CFAP70: variants seen among roughly 807,000 people sequenced by gnomAD.
CFAP70 encodes the protein cilia and flagella associated protein 70.
A neutral mutation model predicts 137.6 loss-of-function variants in CFAP70; 81 were observed. The observed-to-expected ratio is 0.59, with a 90% CI of 0.49 to 0.71. CFAP70 has a LOEUF of 0.71. Among genes scored for constraint, CFAP70 ranks in the 30% least tolerant of loss-of-function variants. The probability of loss-of-function intolerance (pLI) is 0.00; values close to 1 mark genes in which losing one functional copy is unlikely to be tolerated. For missense variants in CFAP70, 976 were observed against 1,226.7 expected (o/e 0.80, Z 3.05); for synonymous variants, 382 against 423.6 (o/e 0.90, Z 1.20).
chr10:73,322,346 AT>A (rs2132205176), intron 9 of CFAP70, among the ~76,000 whole-genome samples: 1 of 152,150 alleles, frequency 6.6e-6, no homozygotes, highest in South Asian at 2.1e-4. Flanking sequence ...TAGATAAATT[AT>A]TTTCCCAGAA....
At chr10:73,292,091 G>A (rs772997387) in intron 16 of CFAP70, 77 bp from the exon 18 acceptor site, 29 of 1,513,710 alleles carry the variant, frequency 1.9e-5, no homozygotes, top group Non-Finnish European at 2.5e-5. Context: ...GGTAAACACT[G>A]TAAATACTGT....
chr10:73,342,043 C>G (rs1589560731), intron 5 of CFAP70, among the ~76,000 whole-genome samples: 3 of 152,194 alleles, frequency 2.0e-5, no homozygotes, highest in African/African-American at 7.2e-5. Context: ...TAAAAATTAT[C>G]CTTTAGAAAA....
intron 9 of CFAP70, among the ~76,000 whole-genome samples, chr10:73,320,996 C>G (rs1403667045): frequency 1.3e-5 from 2 of 152,184 alleles, no homozygotes; most frequent in Admixed American, 6.5e-5. Flanking sequence ...ATCATTTTTA[C>G]TTACTATGAT....
At chr10:73,358,416 G>A (rs1057190875) in intron 1 of CFAP70, among the ~76,000 whole-genome samples, 2 of 152,252 alleles carry the variant, frequency 1.3e-5, no homozygotes, top group African/African-American at 2.4e-5. Flanking sequence ...AGACGAAGGA[G>A]GCGATGTGAC....
At position 73,310,399 on chromosome 10, in the gene CFAP70, C is replaced by T. The variant is rs958738865; in HGVS notation, c.1165-150G>A. ...TGATCTCAACTGTTAAAATACTTTT[C>T]ACATAGAAAAATAACTGGAAAGAAA... On this transcript the variant is annotated intron_variant, in intron 11 of 26. Coordinates refer to ENST00000310715, the Ensembl canonical transcript of CFAP70. 3.2e-5 allele frequency: 14 copies of T among 443,608 alleles called. No homozygotes were observed. In the South Asian group the frequency reaches 5.4e-4, roughly 17 times the overall value. 27.5% of individuals were successfully genotyped at this position (443,608 alleles called of 1,614,324 possible).
chr10:73,356,162 T>G (rs559019189), intron 1 of CFAP70, among the ~76,000 whole-genome samples: 1 of 151,716 alleles, frequency 6.6e-6, no homozygotes, highest in East Asian at 1.9e-4. Flanking sequence ...GATAATAAAT[T>G]GGATATTTGT....
intron 12 of CFAP70, among the ~76,000 whole-genome samples, chr10:73,305,187 T>C (rs1439567341): frequency 6.6e-6 from 1 of 152,216 alleles, no homozygotes; most frequent in East Asian, 1.9e-4. Flanking sequence ...TCATCTCTGT[T>C]TCTCCTAACT....
exon 23 of CFAP70, chr10:73,274,468 G>A (rs886267641): frequency 2.9e-5 from 47 of 1,613,610 alleles, no homozygotes; most frequent in Middle Eastern, 1.6e-4. Context: ...CCCAGTCTCA[G>A]GAAGATGAAG....
intron 6 of CFAP70, among the ~76,000 whole-genome samples, chr10:73,338,434 T>G (rs931630220): frequency 7.3e-6 from 1 of 137,336 alleles, no homozygotes; most frequent in Non-Finnish European, 1.6e-5. Flanking sequence ...GTGAATCTCT[T>G]TTTTTTTTTT....
At chr10:73,273,673 A>T (rs1438681339) in intron 23 of CFAP70, among the ~76,000 whole-genome samples, 1 of 152,214 alleles carries the variant, frequency 6.6e-6, no homozygotes, top group Non-Finnish European at 1.5e-5. Flanking sequence ...ATACTTCACT[A>T]CAGTGGGATA....
chr10:73,311,887 A>T (rs373210553), exon 11 of CFAP70: 1 of 1,613,880 alleles, frequency 6.2e-7, no homozygotes, highest in Non-Finnish European at 8.5e-7. Flanking sequence ...GGAGTATCTG[A>T]GCTCTGAGAT....
At chr10:73,351,145 G>T (rs2054237413) in intron 3 of CFAP70, among the ~76,000 whole-genome samples, 1 of 132,702 alleles carries the variant, frequency 7.5e-6, no homozygotes, top group Non-Finnish European at 1.6e-5. Context: ...GTGAGACGGA[G>T]TCTTGCTTTG....
Position 73,275,580 on chromosome 10 carries a change from C to T in CFAP70, c.2539G>A (p.Ala847Thr), listed in dbSNP as rs2046655982. 6.2e-7 allele frequency: 1 copy of T among 1,605,028 alleles called. No homozygotes were observed. The change falls in exon 22 of 27, where the codon GCA becomes ACA. Residue 847 changes from alanine (A) to threonine (T), a missense_variant. Ala to Thr is a moderately conservative substitution (Grantham distance 58). Transcript: ENST00000310715. This position sits in a 1 kb window ranked among gnomAD's most constrained non-coding sequence, Gnocchi z 4.0. ...CCTTGAGGGCATAACAGCTCATGTG[C>T]AAGCACTCTGTGCACATACTGCAAG...
intron 12 of CFAP70, among the ~76,000 whole-genome samples, chr10:73,304,161 A>G (rs2049185805): frequency 6.6e-6 from 1 of 151,960 alleles, no homozygotes; most frequent in Admixed American, 6.6e-5. Flanking sequence ...GGTTCAAGCA[A>G]TTCTGCCTCA....
At chr10:73,316,670 T>C (rs1479296665) in intron 9 of CFAP70, among the ~76,000 whole-genome samples, 2 of 151,758 alleles carry the variant, frequency 1.3e-5, no homozygotes, top group African/African-American at 2.4e-5. Flanking sequence ...CAATACTAAC[T>C]TAATTCTGGT....
chr10:73,279,815 G>A (rs1322110282), intron 19 of CFAP70, among the ~76,000 whole-genome samples: 1 of 151,434 alleles, frequency 6.6e-6, no homozygotes, highest in Admixed American at 6.6e-5. Flanking sequence ...CCATGATTTT[G>A]CCACTGCACT....
chr10:73,273,422 G>T (rs959759308), intron 23 of CFAP70, among the ~76,000 whole-genome samples: 4 of 152,242 alleles, frequency 2.6e-5, no homozygotes, highest in Admixed American at 6.5e-5. Flanking sequence ...ACTTGATACA[G>T]CCTCATCATT....
At chr10:73,347,941 T>A (rs1176601801) in intron 4 of CFAP70, among the ~76,000 whole-genome samples, 3 of 152,232 alleles carry the variant, frequency 2.0e-5, no homozygotes, top group African/African-American at 7.2e-5. Context: ...CTCCACCATT[T>A]AATCACACTG....
intron 6 of CFAP70, among the ~76,000 whole-genome samples, chr10:73,338,347 A>G (rs970381754): frequency 2.6e-5 from 4 of 151,834 alleles, no homozygotes; most frequent in African/African-American, 9.7e-5. Context: ...GCTGGTCTCA[A>G]ACTCCTGGTC....
Sources: allele counts gnomAD v4.1 joint callset (sites outside exome capture counted in the v4.1 genomes callset), GRCh38; gene constraint gnomAD v4.1.1; non-coding constraint Gnocchi (gnomAD v3.1); transcripts MANE v1.5; gene names NCBI Gene and HGNC (gene_info 2026-07-23, HGNC 2026-07-21).